The following DPH6 variants were observed in gnomAD, a reference collection of about 807,000 sequenced individuals.
The protein encoded by DPH6 is diphthamine biosynthesis 6.
Under a neutral mutation model 38.2 loss-of-function variants are expected in DPH6, and 33 were observed. The observed-to-expected ratio is 0.86, with a 90% CI of 0.65 to 1.15. The LOEUF (loss-of-function observed/expected upper bound fraction) is 1.15, where lower values mean the gene tolerates loss of function less well. Ranked by LOEUF, DPH6 falls within the 50% of genes most tolerant of loss-of-function variation. The probability of loss-of-function intolerance (pLI) is 0.00; values close to 1 mark genes in which losing one functional copy is unlikely to be tolerated. For synonymous variants in DPH6, 108 were observed against 103.0 expected (o/e 1.05, Z -0.30); for missense variants, 325 against 320.0 (o/e 1.02, Z -0.12).
In DPH6 at chr15:35,436,863, C is replaced by T. The variant is rs146948597; in HGVS notation, c.505+13822G>A. Reference sequence around the variant, plus strand: ...TTACTAGGCCAGGACACCCTTTTCTCTCCCTTGTTGGAGGACTCAATTCCA... The same window carrying T: ...TTACTAGGCCAGGACACCCTTTTCTTTCCCTTGTTGGAGGACTCAATTCCA... On this transcript the variant is annotated intron_variant, in intron 5 of 8. Coordinates refer to ENST00000256538, the MANE Select transcript of DPH6 (RefSeq NM_080650.4). 5.3e-3 allele frequency among the ~76,000 whole-genome samples: 802 copies of T among 151,260 alleles called. 8 individuals are homozygous for T. Among genetic ancestry groups the T allele is most frequent in the African/African-American group, 0.019 (763 of 41,182 alleles).
At chr15:35,499,534 G>C (rs1010890548) in intron 3 of DPH6, among the ~76,000 whole-genome samples, 1 of 152,122 alleles carries the variant, frequency 6.6e-6, no homozygotes. Context: ...CATGAAATAG[G>C]AATTTTTCCA....
intron 3 of DPH6, among the ~76,000 whole-genome samples, chr15:35,363,942 A>G (rs1332846098): frequency 6.6e-6 from 1 of 151,952 alleles, no homozygotes; most frequent in Non-Finnish European, 1.5e-5. Context: ...AGTTATGTGC[A>G]CTGCTTTTTA....
intron 3 of DPH6, among the ~76,000 whole-genome samples, chr15:35,338,614 G>A (rs1253409413): frequency 6.6e-6 from 1 of 152,110 alleles, no homozygotes; most frequent in African/African-American, 2.4e-5. Context: ...CATTGTGGAA[G>A]TCAGTGTGGC....
At position 35,468,867 on chromosome 15, in the gene DPH6, A is replaced by G. The variant is rs145239080; in HGVS notation, c.313-14047T>C. On this transcript the variant is annotated intron_variant, in intron 3 of 8. Coordinates refer to ENST00000256538, the MANE Select transcript of DPH6 (RefSeq NM_080650.4). ...TGGATCAACAGGTGTTCGGAGTTCAAGACAAACCTGGCCAACATGGTGAAA... is the reference window on the plus strand; with the variant it reads ...TGGATCAACAGGTGTTCGGAGTTCAGGACAAACCTGGCCAACATGGTGAAA... Among the ~76,000 whole-genome samples the G allele has an allele frequency of 5.2e-4, 79 of 152,330 alleles. No homozygotes were observed. In the East Asian group the frequency reaches 0.014, roughly 26 times the overall value.
chr15:35,310,355 T>C (rs2052130526), intron 3 of DPH6, among the ~76,000 whole-genome samples: 1 of 152,152 alleles, frequency 6.6e-6, no homozygotes, highest in Non-Finnish European at 1.5e-5. Context: ...AAAGGGCCAG[T>C]AAGGGACTGT....
At chr15:35,308,781 T>C (rs553981906) in intron 3 of DPH6, among the ~76,000 whole-genome samples, 1 of 152,330 alleles carries the variant, frequency 6.6e-6, no homozygotes, top group East Asian at 1.9e-4. Context: ...AATTTGAATG[T>C]AACAATAAGA....
intron 3 of DPH6, among the ~76,000 whole-genome samples, chr15:35,469,072 A>AAACAACAACAACAACAACAACAAC (rs10649323): frequency 1.3e-5 from 2 of 149,044 alleles, no homozygotes; most frequent in African/African-American, 5.0e-5. Flanking sequence ...CTCTGCTTCA[A>AAACAACAACAACAACAACAACAAC]AACAACAACA....
chr15:35,357,673 G>T (rs1215410510), intron 3 of DPH6, among the ~76,000 whole-genome samples: 1 of 152,174 alleles, frequency 6.6e-6, no homozygotes, highest in African/African-American at 2.4e-5. Flanking sequence ...ATTCTTGGCT[G>T]ATAACTGTTT....
chr15:35,266,674 C>A (rs1447615523), intron 3 of DPH6, among the ~76,000 whole-genome samples: 3 of 152,152 alleles, frequency 2.0e-5, no homozygotes, highest in African/African-American at 7.2e-5. Flanking sequence ...AGGCTATATA[C>A]TTCCATTATG....
the DPH6 span, among the ~76,000 whole-genome samples, chr15:35,179,681 G>C: frequency 2.6e-5 from 4 of 152,140 alleles, no homozygotes; most frequent in Non-Finnish European, 5.9e-5. Context: ...TATGTTTCTT[G>C]CAAGCCCCTG....
chr15:35,479,732 G>T (rs546489239), intron 3 of DPH6, among the ~76,000 whole-genome samples: 17 of 152,000 alleles, frequency 1.1e-4, no homozygotes, highest in Non-Finnish European at 2.2e-4. Flanking sequence ...GACCCCTACA[G>T]GTCTCATGTT....
At chr15:35,427,144 T>C (rs1447826032) in intron 5 of DPH6, among the ~76,000 whole-genome samples, 2 of 151,966 alleles carry the variant, frequency 1.3e-5, no homozygotes. Context: ...TTAGAGGATG[T>C]AAGAAGCAGA....
At chr15:35,367,802 T>G (rs1230587779), downstream of DPH6, among the ~76,000 whole-genome samples, 1 of 151,812 alleles carries the variant, frequency 6.6e-6, no homozygotes, top group Non-Finnish European at 1.5e-5. Context: ...ACTAACAATA[T>G]TTTTAAATGT....
chr15:35,259,144 CA>C (rs3028681), intron 3 of DPH6, among the ~76,000 whole-genome samples: 6,041 of 133,698 alleles, frequency 0.045, 355 homozygotes, highest in East Asian at 0.34. Flanking sequence ...GACTCCGTCT[CA>C]AAAAAAAAAA....
intron 5 of DPH6, among the ~76,000 whole-genome samples, chr15:35,440,383 G>A (rs76696306): frequency 0.031 from 4,728 of 152,004 alleles, 113 homozygotes; most frequent in Non-Finnish European, 0.051. Context: ...TTTTTGTTTC[G>A]TTTTGACATG....
At chr15:35,249,902 G>A (rs111730229) in intron 3 of DPH6, among the ~76,000 whole-genome samples, 1 of 151,894 alleles carries the variant, frequency 6.6e-6, no homozygotes, top group African/African-American at 2.4e-5. Context: ...GGTGGCTCAC[G>A]CCTGTAATCC....
chr15:35,172,387 G>A, the DPH6 span, among the ~76,000 whole-genome samples: 6 of 152,264 alleles, frequency 3.9e-5, no homozygotes, highest in East Asian at 5.8e-4. Flanking sequence ...AACTTGTACC[G>A]TCATGTTGGT....
At chr15:35,401,467 G>C in intron 6 of DPH6, 1 of 773,880 alleles carries the variant, frequency 1.3e-6, no homozygotes, top group Non-Finnish European at 2.4e-6. Flanking sequence ...TGGTGGACAG[G>C]GTTATGGAAA....
chr15:35,183,871 T>C, the DPH6 span, among the ~76,000 whole-genome samples: 2 of 152,254 alleles, frequency 1.3e-5, no homozygotes, highest in African/African-American at 2.4e-5. Context: ...AAGATGCCTA[T>C]ATATGTCAAT....
Sources: allele counts gnomAD v4.1 joint callset (sites outside exome capture counted in the v4.1 genomes callset), GRCh38; gene constraint gnomAD v4.1.1; transcripts MANE v1.5; gene names NCBI Gene and HGNC (gene_info 2026-07-23, HGNC 2026-07-21).